DIAPH3: variants seen among roughly 807,000 people sequenced by gnomAD.
The protein encoded by DIAPH3 is diaphanous related formin 3.
DIAPH3 carries 117 observed loss-of-function variants against 144.3 expected under a neutral mutation model. The observed-to-expected ratio is 0.81, with a 90% CI of 0.70 to 0.95. DIAPH3 has a LOEUF of 0.95. DIAPH3 is among the 40% of genes least tolerant of loss of function. The pLI is 0.00. For synonymous variants in DIAPH3, 519 were observed against 488.9 expected, an observed-to-expected ratio of 1.06 and a Z score of -0.81; for missense variants, 1,421 against 1,412.7, an observed-to-expected ratio of 1.01 and a Z score of -0.09.
intron 4 of DIAPH3, among the ~76,000 whole-genome samples, chr13:60,064,484 A>G (rs1014093414): frequency 6.6e-6 from 1 of 152,100 alleles, no homozygotes; most frequent in South Asian, 2.1e-4. Flanking sequence ...TTCTTTCCTT[A>G]AATCTCATGA....
At chr13:59,913,487 TCAA>T (rs2047089039) in intron 19 of DIAPH3, among the ~76,000 whole-genome samples, 1 of 152,106 alleles carries the variant, frequency 6.6e-6, no homozygotes, top group East Asian at 1.9e-4. Context: ...CTATACCTAT[TCAA>T]CATTTACATA....
chr13:59,897,585 T>C (rs1307857114), intron 20 of DIAPH3, among the ~76,000 whole-genome samples: 1 of 151,096 alleles, frequency 6.6e-6, no homozygotes, highest in Non-Finnish European at 1.5e-5. Context: ...CCGTCTCTAC[T>C]AAAAATCCAA....
chr13:60,044,425 T>C (rs1404319326), intron 4 of DIAPH3: 1 of 152,136 alleles, frequency 6.6e-6, no homozygotes, highest in African/African-American at 2.4e-5. Context: ...AATGGTACAA[T>C]CTCCGAAAAT....
chr13:60,032,643 T>C (rs1040373514), intron 5 of DIAPH3, among the ~76,000 whole-genome samples: 1 of 152,202 alleles, frequency 6.6e-6, no homozygotes, highest in African/African-American at 2.4e-5. Context: ...GTCCCAGGCC[T>C]GGCCCTCAAA....
chr13:59,677,892 A>G (rs2032731072), intron 27 of DIAPH3, among the ~76,000 whole-genome samples: 2 of 152,140 alleles, frequency 1.3e-5, no homozygotes, highest in Admixed American at 6.5e-5. Flanking sequence ...TATACTCACA[A>G]AATCTGAATG....
chr13:59,859,616 C>A (rs529967580), intron 22 of DIAPH3, among the ~76,000 whole-genome samples: 1 of 152,150 alleles, frequency 6.6e-6, no homozygotes, highest in Non-Finnish European at 1.5e-5. Flanking sequence ...ATGTTTTCAT[C>A]CACTACTCCG....
At chr13:60,125,360 C>T (rs1463538460) in intron 2 of DIAPH3, among the ~76,000 whole-genome samples, 3 of 149,014 alleles carry the variant, frequency 2.0e-5, no homozygotes, top group Admixed American at 6.7e-5. Context: ...ACTAGGACTA[C>T]AGGTTCACAT....
At chr13:59,691,262 TAC>T (rs1389423696) in intron 27 of DIAPH3, among the ~76,000 whole-genome samples, 2 of 152,154 alleles carry the variant, frequency 1.3e-5, no homozygotes, top group African/African-American at 2.4e-5. Flanking sequence ...TTGAGAAAAT[TAC>T]ACAGACCCTT....
intron 27 of DIAPH3, among the ~76,000 whole-genome samples, chr13:59,768,721 A>G (rs2037975970): frequency 6.6e-6 from 1 of 152,186 alleles, no homozygotes; most frequent in Non-Finnish European, 1.5e-5. Context: ...TCAGAGTGGC[A>G]GAGCAGCTGT....
At chr13:59,723,754 G>T (rs543032242) in intron 27 of DIAPH3, among the ~76,000 whole-genome samples, 1 of 152,026 alleles carries the variant, frequency 6.6e-6, no homozygotes, top group South Asian at 2.1e-4. Context: ...GGGACTACAG[G>T]TGTGTGCCAC....
chr13:59,799,020 G>A (rs1185410644), intron 25 of DIAPH3, among the ~76,000 whole-genome samples: 1 of 151,732 alleles, frequency 6.6e-6, no homozygotes, highest in Admixed American at 6.6e-5. Context: ...ATCCTGCCTG[G>A]GGAAGAAAAA....
At position 59,901,130 on chromosome 13, in the gene DIAPH3, A is replaced by G. The variant is rs187033498; in HGVS notation, c.2367+10605T>C. ...ATTATATTCCTCACCTCACCCTACTATCTGTTTCTCCATATAGCTGCCAGC... is the reference window on the plus strand; with the variant it reads ...ATTATATTCCTCACCTCACCCTACTGTCTGTTTCTCCATATAGCTGCCAGC... On this transcript the variant is annotated intron_variant, in intron 20 of 27. Transcript: ENST00000400324. Among the ~76,000 whole-genome samples the G allele has an allele frequency of 3.5e-3, 535 of 152,262 alleles. 4 individuals carry two copies. Among genetic ancestry groups the G allele is most frequent in the African/African-American group, 0.012 (519 of 41,534 alleles).
intron 25 of DIAPH3, among the ~76,000 whole-genome samples, chr13:59,779,691 T>C (rs1250134113): frequency 6.6e-6 from 1 of 151,982 alleles, no homozygotes; most frequent in Non-Finnish European, 1.5e-5. Context: ...TTTGCATTTT[T>C]ACTAGAGACA....
chr13:60,124,989 T>C (rs764343137), intron 2 of DIAPH3, among the ~76,000 whole-genome samples: 2 of 152,190 alleles, frequency 1.3e-5, no homozygotes, highest in Non-Finnish European at 2.9e-5. Context: ...GGCTGCCCTC[T>C]ATGACTCTGA....
intron 4 of DIAPH3, among the ~76,000 whole-genome samples, chr13:60,075,909 A>C (rs987833788): frequency 6.6e-6 from 1 of 152,250 alleles, no homozygotes; most frequent in Admixed American, 6.5e-5. Flanking sequence ...GCATATGTGC[A>C]TTACTCAGAC....
At chr13:60,123,918 GA>G (rs1373555412) in intron 2 of DIAPH3, among the ~76,000 whole-genome samples, 1 of 152,130 alleles carries the variant, frequency 6.6e-6, no homozygotes, top group Non-Finnish European at 1.5e-5. Context: ...AAAAGCTACT[GA>G]CTTATGTTCT....
At chr13:60,111,015 CA>C (rs2058552207) in intron 3 of DIAPH3, among the ~76,000 whole-genome samples, 2 of 152,300 alleles carry the variant, frequency 1.3e-5, no homozygotes, top group Non-Finnish European at 1.5e-5. Context: ...TCCACTTACT[CA>C]GATGGCACCC....
chr13:59,798,786 T>G (rs546412740), intron 25 of DIAPH3, among the ~76,000 whole-genome samples: 2 of 152,192 alleles, frequency 1.3e-5, no homozygotes, highest in Non-Finnish European at 2.9e-5. Context: ...TGAGATTACA[T>G]GCAGTGCAGT....
At chr13:60,050,595 G>T (rs550422759) in intron 4 of DIAPH3, among the ~76,000 whole-genome samples, 1 of 152,168 alleles carries the variant, frequency 6.6e-6, no homozygotes, top group Non-Finnish European at 1.5e-5. Flanking sequence ...AGCAGCAGAT[G>T]CAACTGAGAC....
Sources: allele counts gnomAD v4.1 joint callset (sites outside exome capture counted in the v4.1 genomes callset), GRCh38; gene constraint gnomAD v4.1.1; transcripts MANE v1.5; gene names NCBI Gene and HGNC (gene_info 2026-07-23, HGNC 2026-07-21).